The following STK38 variants were observed in gnomAD, a reference collection of about 807,000 sequenced individuals.
The protein encoded by STK38 is serine/threonine-protein kinase 38.
In STK38, 26 loss-of-function variants were observed where a neutral mutation model predicts 59.0. The observed-to-expected ratio is 0.44, with a 90% CI of 0.32 to 0.61. STK38 has a LOEUF of 0.61. Ranked by LOEUF, STK38 falls within the 20% of genes least tolerant of loss-of-function variation. The pLI is 0.04. For missense variants in STK38, 433 were observed against 566.0 expected, an observed-to-expected ratio of 0.76 and a Z score of 2.38; for synonymous variants, 175 against 176.6, an observed-to-expected ratio of 0.99 and a Z score of 0.07.
chr6:36,537,688 CG>C (rs753477943), intron 2 of STK38, among the ~76,000 whole-genome samples: 7 of 151,906 alleles, frequency 4.6e-5, no homozygotes, highest in African/African-American at 7.2e-5. Context: ...ACTTGAACCC[CG>C]GAGTTCGAGA....
chr6:36,497,213 CA>C (rs762958553), intron 12 of STK38, among the ~76,000 whole-genome samples: 17 of 152,188 alleles, frequency 1.1e-4, no homozygotes, highest in Non-Finnish European at 2.5e-4. Context: ...TCACAAGCAG[CA>C]AATCAGTACA....
chr6:36,524,805 G>C (rs1777470765), intron 3 of STK38, among the ~76,000 whole-genome samples: 1 of 152,142 alleles, frequency 6.6e-6, no homozygotes, highest in African/African-American at 2.4e-5. Context: ...TTAAAAATGT[G>C]TTCTTATCTT....
At chr6:36,496,858 T>C in intron 12 of STK38, 53 bp from the exon 13 acceptor site, 1 of 1,329,624 alleles carries the variant, frequency 7.5e-7, no homozygotes, top group Non-Finnish European at 1.1e-6. Context: ...AAATGGATCA[T>C]ACCAATCAAG....
chr6:36,523,744 C>T (rs180760653), intron 4 of STK38, among the ~76,000 whole-genome samples: 11 of 152,298 alleles, frequency 7.2e-5, no homozygotes, highest in Non-Finnish European at 8.8e-5. Flanking sequence ...GGGACAAAGT[C>T]GCAAATGCTT....
At chr6:36,537,446 A>C (rs371520357) in intron 2 of STK38, among the ~76,000 whole-genome samples, 118 of 152,356 alleles carry the variant, frequency 7.7e-4, no homozygotes, top group South Asian at 6.6e-3. Flanking sequence ...TGGTACAAAA[A>C]TGTTCATAGA....
At chr6:36,496,898 C>T (rs1267295270) in intron 12 of STK38, 93 bp from the exon 13 acceptor site, 1 of 833,362 alleles carries the variant, frequency 1.2e-6, no homozygotes, top group African/African-American at 1.8e-5. Context: ...CCTGGTCTGA[C>T]ATGAGAAGAC....
chr6:36,516,547 T>G lies in STK38; in HGVS notation c.515-1055A>C, dbSNP rs997947055. ...AGCTATTTTTCCCTCAGGCAAAAAT[T>G]AAACCATTTATTAAAGTGCTCTTTT... On this transcript the variant is annotated intron_variant, in intron 6 of 13. Transcript: ENST00000229812. Among the ~76,000 whole-genome samples the G allele has an allele frequency of 4.6e-5, 7 of 152,330 alleles. No individual in the cohort carries two copies. The South Asian group carries it at 1.0e-3, about 23-fold the overall frequency.
intron 3 of STK38, 123 bp downstream of exon 3, chr6:36,525,468 C>T (rs370827749): frequency 4.0e-6 from 3 of 755,856 alleles, no homozygotes; most frequent in Non-Finnish European, 2.2e-6. Context: ...AAGCACACTA[C>T]CCCTCAAGTT....
chr6:36,543,568 C>A (rs1409547615), intron 1 of STK38, among the ~76,000 whole-genome samples: 1 of 152,110 alleles, frequency 6.6e-6, no homozygotes, highest in Non-Finnish European at 1.5e-5. Context: ...CAAGACCAGC[C>A]TGGGTAACAT....
Sources: allele counts gnomAD v4.1 joint callset (sites outside exome capture counted in the v4.1 genomes callset), GRCh38; gene constraint gnomAD v4.1.1; transcripts MANE v1.5; gene names NCBI Gene and HGNC (gene_info 2026-07-23, HGNC 2026-07-21).